Variants in SUMF1 observed in about 807,000 individuals in gnomAD.
SUMF1 encodes sulfatase modifying factor 1, also known as formylglycine-generating enzyme.
In SUMF1, 48 loss-of-function variants were observed where a neutral mutation model predicts 47.6. The ratio of observed to expected loss-of-function variants is 1.01; its 90% CI spans 0.80 to 1.28. The LOEUF (loss-of-function observed/expected upper bound fraction) is 1.28, where lower values mean the gene tolerates loss of function less well. Among genes scored for constraint, SUMF1 ranks in the 50% most tolerant of loss-of-function variants. The pLI is 0.00. For missense variants in SUMF1, 571 were observed against 485.4 expected (o/e 1.18, Z -1.66); for synonymous variants, 230 against 192.1 (o/e 1.20, Z -1.63).
intron 3 of SUMF1, among the ~76,000 whole-genome samples, chr3:4,432,843 C>G (rs1015908755): frequency 1.3e-5 from 2 of 152,108 alleles, no homozygotes; most frequent in Non-Finnish European, 2.9e-5. Flanking sequence ...CACAACCTAG[C>G]CCCTAGTACA....
chr3:4,237,257 G>A (rs1475137522), intron 8 of SUMF1, among the ~76,000 whole-genome samples: 2 of 152,108 alleles, frequency 1.3e-5, no homozygotes, highest in African/African-American at 2.4e-5. Context: ...AGCAGTGAAG[G>A]AGTTCCTGTT....
chr3:4,167,526 G>C (rs1332436491), intron 8 of SUMF1, among the ~76,000 whole-genome samples: 1 of 152,120 alleles, frequency 6.6e-6, no homozygotes, highest in Non-Finnish European at 1.5e-5. Context: ...TCCCTACAGA[G>C]CACTGATAGG....
At chr3:4,130,522 G>A (rs984684878) in intron 8 of SUMF1, among the ~76,000 whole-genome samples, 9 of 152,278 alleles carry the variant, frequency 5.9e-5, no homozygotes, top group South Asian at 4.2e-4. Flanking sequence ...ATTGGATCCA[G>A]TAAGTAAGAA....
chr3:4,313,665 AGAAAAGTC>A, intron 8 of SUMF1: 1 of 1,614,030 alleles, frequency 6.2e-7, no homozygotes, highest in South Asian at 1.1e-5. Context: ...ACTGCCCCGT[AGAAAAGTC>A]GAACATCAGT....
intron 7 of SUMF1, among the ~76,000 whole-genome samples, chr3:4,380,586 A>G (rs923641234): frequency 6.6e-6 from 1 of 152,200 alleles, no homozygotes; most frequent in African/African-American, 2.4e-5. Context: ...TGAAAGTTGG[A>G]AAGAAAAACA....
rs373381163 is a variant in SUMF1 at position 4,352,422 on chromosome 3, G to A, written c.1014+23908C>T. Among the ~76,000 whole-genome samples, 8 of 152,174 alleles carry A rather than the reference G, an allele frequency of 5.3e-5. No individual in the cohort carries two copies. The East Asian group carries it at 5.8e-4, about 11-fold the overall frequency. The stretch of plus-strand genomic sequence containing the variant: ...AGACATAGAACAACCACAATTTACC[G>A]CACAATGAACACAGTCTACCAGGAG... On this transcript the variant is annotated intron_variant and NMD_transcript_variant, in intron 8 of 12. Coordinates refer to the SUMF1 transcript ENST00000448413.
chr3:4,334,740 T>C (rs1312058805), intron 8 of SUMF1, among the ~76,000 whole-genome samples: 1 of 152,208 alleles, frequency 6.6e-6, no homozygotes, highest in Non-Finnish European at 1.5e-5. Context: ...TGCAGAATTT[T>C]AACTATTAGG....
intron 8 of SUMF1, among the ~76,000 whole-genome samples, chr3:4,353,301 G>A (rs1176605165): frequency 6.6e-6 from 1 of 152,180 alleles, no homozygotes; most frequent in Admixed American, 6.5e-5. Context: ...CGCCCAGGCT[G>A]GAGTACAGTG....
chr3:4,291,880 C>T (rs909472400), intron 8 of SUMF1, among the ~76,000 whole-genome samples: 3 of 152,172 alleles, frequency 2.0e-5, no homozygotes, highest in African/African-American at 7.2e-5. Context: ...TTCCACCAAA[C>T]GTCTTTTGCC....
chr3:4,460,179 A>C (rs969126222), intron 1 of SUMF1, among the ~76,000 whole-genome samples: 1 of 152,212 alleles, frequency 6.6e-6, no homozygotes, highest in East Asian at 1.9e-4. Context: ...ATACAGGTAC[A>C]CTATTTTTGT....
At chr3:4,049,543 T>A (rs1322020321) in intron 9 of SUMF1, among the ~76,000 whole-genome samples, 1 of 152,122 alleles carries the variant, frequency 6.6e-6, no homozygotes, top group Non-Finnish European at 1.5e-5. Context: ...CAGTAACCAC[T>A]GCTCCTCAAA....
At chr3:4,306,268 T>G (rs1338076775) in intron 8 of SUMF1, among the ~76,000 whole-genome samples, 1 of 152,192 alleles carries the variant, frequency 6.6e-6, no homozygotes, top group African/African-American at 2.4e-5. Flanking sequence ...ATTAACTCAC[T>G]TTAAGCGTTA....
intron 7 of SUMF1, 21 bp downstream of exon 7, chr3:4,410,844 T>A (rs763831265): frequency 6.2e-7 from 1 of 1,606,780 alleles, no homozygotes; most frequent in South Asian, 1.1e-5. Context: ...CCAAGACACA[T>A]GCTCTGTGAA....
At chr3:4,422,275 C>A (rs1439681316) in intron 3 of SUMF1, among the ~76,000 whole-genome samples, 3 of 152,120 alleles carry the variant, frequency 2.0e-5, no homozygotes, top group Non-Finnish European at 4.4e-5. Flanking sequence ...CTCAGGTCAG[C>A]CCACACTTGT....
At chr3:4,038,113 T>C (rs1033860169) in intron 9 of SUMF1, among the ~76,000 whole-genome samples, 1 of 152,166 alleles carries the variant, frequency 6.6e-6, no homozygotes, top group African/African-American at 2.4e-5. Flanking sequence ...CCACCACCGC[T>C]GCAGGGTGAT....
rs576656044 is a variant in SUMF1 at position 4,199,919 on chromosome 3, T to G, written c.1015-131174A>C. Among the ~76,000 whole-genome samples, 7 of 152,260 alleles carry G rather than the reference T, an allele frequency of 4.6e-5. No homozygotes were observed. In the South Asian group the frequency reaches 1.5e-3, roughly 32 times the overall value. ...TCAAGTATTTGCATCCATTCCTTTT[T>G]GCTTATCTGTTTTTTCATTTTCTTA... On this transcript the variant is annotated intron_variant and NMD_transcript_variant, in intron 8 of 12. Transcript: ENST00000448413.
intron 8 of SUMF1, among the ~76,000 whole-genome samples, chr3:4,271,600 C>T (rs115135933): frequency 1.7e-3 from 252 of 152,238 alleles, no homozygotes; most frequent in African/African-American, 5.8e-3. Flanking sequence ...ATCCCAGGCT[C>T]AAGTGATTCT....
chr3:4,328,269 ATAAAT>A (rs1308395618), intron 8 of SUMF1, among the ~76,000 whole-genome samples: 1 of 152,104 alleles, frequency 6.6e-6, no homozygotes. Flanking sequence ...TATTTATTAA[ATAAAT>A]TAAGCAAAAA....
chr3:4,167,760 A>G (rs1314341291), intron 8 of SUMF1, among the ~76,000 whole-genome samples: 3 of 152,194 alleles, frequency 2.0e-5, no homozygotes, highest in African/African-American at 7.2e-5. Flanking sequence ...AGGTCAAAGA[A>G]GCAAGCGCTA....
Sources: gnomAD v4.1 joint callset for allele counts (sites outside exome capture counted in the v4.1 genomes callset) on GRCh38, gnomAD v4.1.1 for gene constraint, MANE v1.5 for transcripts, NCBI Gene and HGNC (gene_info 2026-07-23, HGNC 2026-07-21) for gene names.